RB1: variants seen among roughly 807,000 people sequenced by gnomAD.
The protein encoded by RB1 is retinoblastoma-associated protein.
Under a neutral mutation model 135.4 loss-of-function variants are expected in RB1, and 18 were observed. The ratio of observed to expected loss-of-function variants is 0.13; its 90% CI spans 0.09 to 0.20. The LOEUF is 0.20. Among genes scored for constraint, RB1 ranks in the 10% least tolerant of loss-of-function variants. The probability of loss-of-function intolerance (pLI) is 1.00; values close to 1 mark genes in which losing one functional copy is unlikely to be tolerated. For synonymous variants in RB1, 365 were observed against 373.2 expected (o/e 0.98, Z 0.25); for missense variants, 868 against 1,110.0 (o/e 0.78, Z 3.10).
At chr13:48,460,983 A>G (rs1286830068) in intron 20 of RB1, among the ~76,000 whole-genome samples, 2 of 152,218 alleles carry the variant, frequency 1.3e-5, no homozygotes, top group Admixed American at 6.5e-5. Context: ...GTTAATTAAA[A>G]AAATATATAC....
intron 17 of RB1, chr13:48,391,612 G>A (rs1948611369): frequency 1.3e-5 from 2 of 151,976 alleles, no homozygotes; most frequent in Non-Finnish European, 1.5e-5. Context: ...CAAACAAAAA[G>A]CATTTCTATT....
chr13:48,461,077 A>G (rs901482341), intron 20 of RB1, among the ~76,000 whole-genome samples: 1 of 152,216 alleles, frequency 6.6e-6, no homozygotes, highest in African/African-American at 2.4e-5. Context: ...GGTTTTTAGT[A>G]TATTCACAGT....
chr13:48,401,716 G>GT (rs1424484185), intron 17 of RB1, among the ~76,000 whole-genome samples: 2 of 152,142 alleles, frequency 1.3e-5, no homozygotes, highest in African/African-American at 2.4e-5. Flanking sequence ...GTGTCTTCCT[G>GT]TAAGTGCTAG....
intron 13 of RB1, among the ~76,000 whole-genome samples, chr13:48,378,006 A>G (rs1397898938): frequency 6.6e-6 from 1 of 152,212 alleles, no homozygotes; most frequent in Non-Finnish European, 1.5e-5. Flanking sequence ...TGCACAGAGC[A>G]CTTACTATGA....
Position 48,319,658 on chromosome 13 carries a change from C to T in RB1, c.264+12252C>T. On this transcript the variant is annotated intron_variant, in intron 2 of 26. Transcript: ENST00000267163. The surrounding 1 kb of genome is among the most constrained non-coding windows in gnomAD (Gnocchi z 5.0). Reference sequence around the variant, plus strand: ...CTTTATGGGCGCCCTTCAGACCCTGCCGATGCGCCACCTTTGCGGCTAGCT... The same window carrying T: ...CTTTATGGGCGCCCTTCAGACCCTGTCGATGCGCCACCTTTGCGGCTAGCT... 1 of 254,056 alleles carries T rather than the reference C, an allele frequency of 3.9e-6. No homozygotes were observed. The highest frequency in any genetic ancestry group is 5.8e-5 in the South Asian group (1 of 17,324). 15.7% of individuals were successfully genotyped at this position (254,056 alleles called of 1,614,324 possible).
rs541898186 is a variant in RB1, at chr13:48,432,538, C to T, written c.1696-20455C>T. On this transcript the variant is annotated intron_variant, in intron 17 of 26. Coordinates refer to ENST00000267163, the MANE Select transcript of RB1 (RefSeq NM_000321.3). ...ACAGTTCCATTTCAGTCACATTCCA[C>T]CCTGACTTGTCTCTTCTCACCATTC... Among the ~76,000 whole-genome samples, 6 of 152,010 alleles carry T rather than the reference C, an allele frequency of 3.9e-5. No individual in the cohort carries two copies. The South Asian group carries it at 1.0e-3, about 26-fold the overall frequency.
Position 48,381,431 on chromosome 13 carries a change from T to G in RB1, c.1683T>G (p.Leu561=). Residue 561 remains leucine (L), a synonymous_variant, in exon 17 of 27, where the codon CTT becomes CTG. Transcript: ENST00000267163. ...GTGAACATCGAATCATGGAATCCCT[T>G]GCATGGCTCTCAGTAAGTAGCTAAA... ...ERCEHRIMES[L]AWLSDSPLFD... The G allele has an allele frequency of 6.2e-7, 1 of 1,613,522 alleles. No homozygotes were observed. The highest frequency in any genetic ancestry group is 2.2e-5 in the East Asian group (1 of 44,726).
intron 6 of RB1, among the ~76,000 whole-genome samples, chr13:48,352,335 G>A (rs1386860377): frequency 2.0e-5 from 3 of 151,348 alleles, no homozygotes; most frequent in Non-Finnish European, 4.4e-5. Context: ...GGCTATTCAG[G>A]CTCTTTTTTG....
chr13:48,360,199 A>G, intron 7 of RB1, 72 bp downstream of exon 7: 1 of 1,599,314 alleles, frequency 6.3e-7, no homozygotes, highest in Non-Finnish European at 8.5e-7. Context: ...GTGGGTACCA[A>G]ACATGGTTCT....
chr13:48,376,084 A>C (rs538190934), intron 12 of RB1, among the ~76,000 whole-genome samples: 65 of 152,252 alleles, frequency 4.3e-4, no homozygotes, highest in Non-Finnish European at 7.9e-4. Context: ...TTAAAGTTGA[A>C]TAGCCCCACT....
At chr13:48,345,469 T>C (rs1483594965) in intron 4 of RB1, among the ~76,000 whole-genome samples, 1 of 152,194 alleles carries the variant, frequency 6.6e-6, no homozygotes, top group Non-Finnish European at 1.5e-5. Flanking sequence ...ATTTTAGCCT[T>C]CTTTGCCAGA....
intron 20 of RB1, 115 bp downstream of exon 20, chr13:48,459,948 T>TCTTTCTTA: frequency 2.1e-6 from 1 of 479,642 alleles, no homozygotes; most frequent in South Asian, 2.2e-5. Context: ...TTTCTTTCTT[T>TCTTTCTTA]CTTTTTCTTT....
intron 17 of RB1, among the ~76,000 whole-genome samples, chr13:48,393,382 C>T (rs1057183959): frequency 6.6e-6 from 1 of 152,208 alleles, no homozygotes; most frequent in Non-Finnish European, 1.5e-5. Context: ...CATCTCTGGA[C>T]TGTGGACCAT....
intron 17 of RB1, among the ~76,000 whole-genome samples, chr13:48,401,063 A>G (rs1948687578): frequency 6.6e-6 from 1 of 152,080 alleles, no homozygotes; most frequent in Non-Finnish European, 1.5e-5. Flanking sequence ...GGAATTTGTT[A>G]TGTTGCTTTA....
At chr13:48,335,601 CT>C (rs946178834) in intron 2 of RB1, among the ~76,000 whole-genome samples, 91 of 143,050 alleles carry the variant, frequency 6.4e-4, no homozygotes, top group African/African-American at 8.1e-4. Context: ...TTGAAAGTAC[CT>C]TTTTTTTTTT....
Position 48,314,309 on chromosome 13 carries a change from A to G in RB1, c.264+6903A>G, listed in dbSNP as rs536145226. Reference sequence around the variant, plus strand: ...TGCGGAATATTGCATTCTTAACAACATGAAGTCTTCAGATGCATGCATATG... The same window carrying G: ...TGCGGAATATTGCATTCTTAACAACGTGAAGTCTTCAGATGCATGCATATG... On this transcript the variant is annotated intron_variant, in intron 2 of 26. Transcript: ENST00000267163. Among the ~76,000 whole-genome samples, 6 of 152,322 alleles carry G rather than the reference A, an allele frequency of 3.9e-5. No individual in the cohort carries two copies. In the South Asian group the frequency reaches 6.2e-4, roughly 16 times the overall value.
At chr13:48,406,566 T>C (rs1391156732) in intron 17 of RB1, 1 of 152,242 alleles carries the variant, frequency 6.6e-6, no homozygotes, top group Non-Finnish European at 1.5e-5. Flanking sequence ...CTTGAAATTC[T>C]TGAGGACTTT....
intron 2 of RB1, among the ~76,000 whole-genome samples, chr13:48,322,243 T>C (rs1952248831): frequency 6.6e-6 from 1 of 152,242 alleles, no homozygotes; most frequent in African/African-American, 2.4e-5. Context: ...CACCTTTCTT[T>C]TTATGGCTGA....
chr13:48,328,380 G>C (rs1222538506), intron 2 of RB1: 1 of 1,530,894 alleles, frequency 6.5e-7, no homozygotes, highest in African/African-American at 1.4e-5. Flanking sequence ...TTTCTTTGTC[G>C]TCTGACTACC....
Sources: gnomAD v4.1 joint callset for allele counts (sites outside exome capture counted in the v4.1 genomes callset) on GRCh38, gnomAD v4.1.1 for gene constraint, Gnocchi (gnomAD v3.1) non-coding constraint, MANE v1.5 for transcripts, NCBI Gene and HGNC (gene_info 2026-07-23, HGNC 2026-07-21) for gene names.